Variants in MEIOB observed in about 807,000 individuals in gnomAD.
MEIOB encodes the protein meiosis specific with OB-fold.
Under a neutral mutation model 53.1 loss-of-function variants are expected in MEIOB, and 50 were observed. The ratio of observed to expected loss-of-function variants is 0.94; its 90% CI spans 0.75 to 1.19. The LOEUF is 1.19. Among genes scored for constraint, MEIOB ranks in the 50% most tolerant of loss-of-function variants. The pLI, the probability that MEIOB is intolerant of heterozygous loss-of-function variation, is 0.00. For synonymous variants in MEIOB, 192 were observed against 182.5 expected (o/e 1.05, Z -0.42); for missense variants, 551 against 550.8 (o/e 1.00, Z 0.00).
At chr16:1,838,788 C>T (rs56164716) in intron 12 of MEIOB, among the ~76,000 whole-genome samples, 27,036 of 152,006 alleles carry the variant, frequency 0.18, 2,566 homozygotes, top group South Asian at 0.27. Context: ...ACATCCTGGG[C>T]TCAAGTGATT....
chr16:1,854,123 T>C lies in MEIOB; in HGVS notation c.606A>G (p.Thr202=), dbSNP rs1445887003. The part of the protein sequence containing the change: ...QRCEVRLYDE[T]ESSFAMTCWD... ...ACCATGTCATCGCAAAAGACGACTC[T>C]GTTTCATCATAGAGTCTAACTTCAC... The change falls in exon 7 of 14, where the codon ACA becomes ACG. Residue 202 remains threonine, a synonymous_variant. Coordinates refer to ENST00000325962, the MANE Select transcript of MEIOB (RefSeq NM_001163560.3). 6.4e-7 allele frequency: 1 copy of C among 1,550,696 alleles called. No individual in the cohort carries two copies. The highest frequency in any genetic ancestry group is 1.4e-5 in the African/African-American group (1 of 73,036).
chr16:1,861,243 T>A (rs1194279427), intron 4 of MEIOB, among the ~76,000 whole-genome samples: 1 of 152,150 alleles, frequency 6.6e-6, no homozygotes, highest in African/African-American at 2.4e-5. Context: ...CTGGGGTGAG[T>A]AGATGTAAAA....
intron 9 of MEIOB, among the ~76,000 whole-genome samples, chr16:1,848,541 T>C (rs1899078380): frequency 7.1e-6 from 1 of 140,278 alleles, no homozygotes; most frequent in Admixed American, 7.2e-5. Context: ...TTTTTTTTTT[T>C]TCCTTTTTTT....
At chr16:1,859,804 G>C (rs1299669434) in intron 5 of MEIOB, among the ~76,000 whole-genome samples, 32 of 152,102 alleles carry the variant, frequency 2.1e-4, no homozygotes, top group African/African-American at 7.2e-4. Flanking sequence ...AGAACTGCCA[G>C]ACCCGCCTTT....
Position 1,837,637 on chromosome 16 carries a change from G to A in MEIOB, c.1305+147C>T, listed in dbSNP as rs11648578. On this transcript the variant is annotated intron_variant, in intron 13 of 13. Transcript: ENST00000325962. ...GAAAAAACCCCTGGCTATTTCCTTTGCTTTTAGGATAGCTGAATCCTTATG... is the reference window on the plus strand; with the variant it reads ...GAAAAAACCCCTGGCTATTTCCTTTACTTTTAGGATAGCTGAATCCTTATG... 0.18 allele frequency: 87,262 copies of A among 483,462 alleles called. 8,454 individuals carry two copies. Among genetic ancestry groups the A allele is most frequent in the South Asian group, 0.28 (5,969 of 21,032 alleles). 29.9% of individuals were successfully genotyped at this position (483,462 alleles called of 1,614,324 possible).
chr16:1,868,584 G>A (rs973271425), intron 1 of MEIOB, among the ~76,000 whole-genome samples: 16 of 152,002 alleles, frequency 1.1e-4, no homozygotes, highest in Middle Eastern at 3.4e-3. Context: ...GGCCAGGTGC[G>A]GTGGCTCATG....
At chr16:1,854,239 G>A in intron 6 of MEIOB, 39 bp from the exon 7 acceptor site, 1 of 1,144,098 alleles carries the variant, frequency 8.7e-7, no homozygotes, top group Non-Finnish European at 1.3e-6. Flanking sequence ...TCACCTATAT[G>A]TAGAAGTTCT....
At chr16:1,843,304 T>TA (rs138252470) in intron 10 of MEIOB, 27,278 of 146,524 alleles carry the variant, frequency 0.19, 2,614 homozygotes, top group South Asian at 0.28. Context: ...AAAAATAAAA[T>TA]AAAAAAAAAT....
chr16:1,837,741 T>C, intron 13 of MEIOB, 43 bp downstream of exon 13: 1 of 1,013,694 alleles, frequency 9.9e-7, no homozygotes, highest in Non-Finnish European at 1.4e-6. Flanking sequence ...ATATACAGAA[T>C]AATAAATATA....
chr16:1,852,847 C>T (rs986763738), intron 9 of MEIOB, among the ~76,000 whole-genome samples, 192 bp downstream of exon 9: 4 of 152,224 alleles, frequency 2.6e-5, no homozygotes, highest in African/African-American at 9.6e-5. Context: ...TGAGCCACCA[C>T]GTCCGACCTC....
chr16:1,845,530 T>C (rs919541578), intron 9 of MEIOB, among the ~76,000 whole-genome samples: 3 of 151,612 alleles, frequency 2.0e-5, no homozygotes, highest in Non-Finnish European at 4.4e-5. Context: ...AAAAAAAAAA[T>C]ACATATATAA....
chr16:1,856,219 G>T (rs937703971), intron 6 of MEIOB, among the ~76,000 whole-genome samples: 2 of 148,672 alleles, frequency 1.3e-5, no homozygotes, highest in East Asian at 2.0e-4. Context: ...GCAGTGGTAC[G>T]ATCTCGGCTC....
At chr16:1,868,373 A>G (rs1389680058) in intron 1 of MEIOB, among the ~76,000 whole-genome samples, 189 bp from the exon 2 acceptor site, 1 of 152,014 alleles carries the variant, frequency 6.6e-6, no homozygotes, top group African/African-American at 2.4e-5. Flanking sequence ...CCTGGCCATC[A>G]TGGCGAAACC....
chr16:1,858,079 A>G lies in MEIOB; in HGVS notation c.333-149T>C, dbSNP rs191187846. 3 of 580,524 alleles carry G rather than the reference A, an allele frequency of 5.2e-6. No homozygotes were observed. In the East Asian group the frequency reaches 9.2e-5, roughly 18 times the overall value. The allele number at this position is 580,524 out of a possible 1,614,324, so 36.0% of individuals were successfully genotyped here. A position where few individuals can be genotyped will look rare whatever the true frequency, so the allele number is the denominator to read the frequency against. On this transcript the variant is annotated intron_variant, in intron 5 of 13. Coordinates refer to ENST00000325962, the MANE Select transcript of MEIOB (RefSeq NM_001163560.3). ...TCTTAGAAACATTGAATAATACAGCAAAACATTTTTTGTTTACAGTGCACT... is the reference window on the plus strand; with the variant it reads ...TCTTAGAAACATTGAATAATACAGCGAAACATTTTTTGTTTACAGTGCACT...
intron 9 of MEIOB, among the ~76,000 whole-genome samples, chr16:1,849,027 G>A (rs940512412): frequency 1.3e-5 from 2 of 151,234 alleles, no homozygotes; most frequent in Non-Finnish European, 2.9e-5. Context: ...GCTCAGGCCT[G>A]TAATCCCAGC....
At chr16:1,870,478 G>A (rs1899716598) in intron 1 of MEIOB, among the ~76,000 whole-genome samples, 1 of 152,182 alleles carries the variant, frequency 6.6e-6, no homozygotes, top group Non-Finnish European at 1.5e-5. Context: ...GCAGCCTGTG[G>A]AGTTAGTCAA....
intron 6 of MEIOB, among the ~76,000 whole-genome samples, chr16:1,854,718 C>T (rs1037308574): frequency 2.0e-5 from 3 of 152,090 alleles, no homozygotes; most frequent in African/African-American, 7.2e-5. Flanking sequence ...CACAGGGCTA[C>T]CATGGTGAGA....
intron 11 of MEIOB, chr16:1,840,007 T>C (rs2142077777): frequency 6.6e-6 from 1 of 152,328 alleles, no homozygotes; most frequent in Non-Finnish European, 1.5e-5. Context: ...TACACTCTCC[T>C]CTCTTTCAGT....
In MEIOB at chr16:1,861,855, G is replaced by C. The variant is rs542596898; in HGVS notation, c.259+130C>G. ...CCACTGCATTATACTCTTAACACTT[G>C]ACTTTTTCTGATAAAGTTCTTGAGA... On this transcript the variant is annotated intron_variant, in intron 4 of 13. Transcript: ENST00000325962. 1.7e-4 allele frequency: 164 copies of C among 976,818 alleles called. 2 individuals carry two copies. The South Asian group carries it at 2.5e-3, about 15-fold the overall frequency. 60.5% of individuals were successfully genotyped at this position (976,818 alleles called of 1,614,324 possible). A position where few individuals can be genotyped will look rare whatever the true frequency, so the allele number is the denominator to read the frequency against.
Sources: allele counts gnomAD v4.1 joint callset (sites outside exome capture counted in the v4.1 genomes callset), GRCh38; gene constraint gnomAD v4.1.1; transcripts MANE v1.5; gene names NCBI Gene and HGNC (gene_info 2026-07-23, HGNC 2026-07-21).